Variants in CEP112 observed in about 807,000 individuals in gnomAD.
CEP112 encodes centrosomal protein of 112 kDa.
Under a neutral mutation model 153.0 loss-of-function variants are expected in CEP112, and 127 were observed. The observed-to-expected ratio is 0.83, with a 90% confidence interval of 0.72 to 0.96. CEP112 has a LOEUF of 0.96. Ranked by LOEUF, CEP112 falls within the 40% of genes least tolerant of loss-of-function variation. The pLI is 0.00. For synonymous variants in CEP112, 358 were observed against 374.4 expected (o/e 0.96, Z 0.51); for missense variants, 1,089 against 1,101.2 (o/e 0.99, Z 0.16).
intron 19 of CEP112, among the ~76,000 whole-genome samples, chr17:65,917,954 A>G (rs1005434585): frequency 2.6e-5 from 4 of 152,134 alleles, no homozygotes; most frequent in African/African-American, 9.7e-5. Context: ...AGGCAGGTGG[A>G]TTGCCTGAGC....
chr17:65,913,181 A>C (rs1450103268), intron 19 of CEP112, among the ~76,000 whole-genome samples: 1 of 152,212 alleles, frequency 6.6e-6, no homozygotes, highest in Non-Finnish European at 1.5e-5. Context: ...TAAGTTACTA[A>C]ATTTTTTAGA....
chr17:65,651,106 G>A (rs1196579690), intron 24 of CEP112, among the ~76,000 whole-genome samples: 3 of 152,008 alleles, frequency 2.0e-5, no homozygotes, highest in Non-Finnish European at 4.4e-5. Flanking sequence ...CTTTCTCCCT[G>A]AGTCCCCAAA....
chr17:65,651,236 A>C (rs898199958), intron 24 of CEP112, among the ~76,000 whole-genome samples: 1 of 152,000 alleles, frequency 6.6e-6, no homozygotes, highest in Non-Finnish European at 1.5e-5. Flanking sequence ...ATAGTCTCCA[A>C]CTCCATTCAG....
At chr17:66,095,547 T>C (rs917349680) in intron 8 of CEP112, among the ~76,000 whole-genome samples, 2 of 152,168 alleles carry the variant, frequency 1.3e-5, no homozygotes, top group Non-Finnish European at 2.9e-5. Flanking sequence ...GGTCAAAGGA[T>C]ACAAAATTTA....
chr17:65,884,313 A>C (rs918939391), intron 20 of CEP112, among the ~76,000 whole-genome samples: 1 of 152,236 alleles, frequency 6.6e-6, no homozygotes, highest in Non-Finnish European at 1.5e-5. Flanking sequence ...CGTTATTTGC[A>C]GTGATGAATA....
chr17:66,120,389 C>A (rs926494715), intron 6 of CEP112, among the ~76,000 whole-genome samples: 1 of 152,030 alleles, frequency 6.6e-6, no homozygotes, highest in Non-Finnish European at 1.5e-5. Flanking sequence ...TTAGTAGAGA[C>A]GAGGTTTTAC....
intron 21 of CEP112, among the ~76,000 whole-genome samples, chr17:65,828,350 G>A (rs933499737): frequency 1.3e-5 from 2 of 152,176 alleles, no homozygotes; most frequent in Non-Finnish European, 2.9e-5. Flanking sequence ...CAACTTCCAT[G>A]GCAATTCCCT....
At chr17:65,997,997 T>C (rs931652701) in intron 17 of CEP112, among the ~76,000 whole-genome samples, 9 of 152,134 alleles carry the variant, frequency 5.9e-5, no homozygotes, top group Admixed American at 3.3e-4. Flanking sequence ...TTCTGCAAAA[T>C]GACTATTGAA....
intron 23 of CEP112, among the ~76,000 whole-genome samples, chr17:65,728,408 T>G (rs775600688): frequency 6.6e-6 from 1 of 152,098 alleles, no homozygotes; most frequent in African/African-American, 2.4e-5. Context: ...AAGAGGTTGG[T>G]AGCTAGGAAG....
intron 21 of CEP112, among the ~76,000 whole-genome samples, chr17:65,794,966 G>A (rs968468487): frequency 2.6e-5 from 4 of 152,220 alleles, no homozygotes; most frequent in Non-Finnish European, 5.9e-5. Context: ...CAAGTACATG[G>A]AACAGTATCT....
chr17:65,952,819 T>C (rs2061880438), intron 18 of CEP112, among the ~76,000 whole-genome samples: 2 of 152,212 alleles, frequency 1.3e-5, no homozygotes, highest in Admixed American at 1.3e-4. Flanking sequence ...AATGAACGTG[T>C]AGTAGCATCT....
chr17:66,158,960 C>A (rs1456158740), intron 4 of CEP112, among the ~76,000 whole-genome samples: 1 of 151,670 alleles, frequency 6.6e-6, no homozygotes, highest in Non-Finnish European at 1.5e-5. Context: ...ACTAGCCAGA[C>A]TAATAAAGAA....
intron 18 of CEP112, among the ~76,000 whole-genome samples, chr17:65,929,734 A>G (rs1284896367): frequency 6.6e-6 from 1 of 152,220 alleles, no homozygotes; most frequent in Non-Finnish European, 1.5e-5. Flanking sequence ...ACATACAGGG[A>G]ATCAATAAAT....
At chr17:65,996,951 G>A (rs2145330358) in intron 17 of CEP112, among the ~76,000 whole-genome samples, 1 of 152,316 alleles carries the variant, frequency 6.6e-6, no homozygotes, top group African/African-American at 2.4e-5. Flanking sequence ...GCCCACGGCT[G>A]TAATCCCAGC....
At chr17:65,821,708 C>A (rs1342677482) in intron 21 of CEP112, among the ~76,000 whole-genome samples, 1 of 150,762 alleles carries the variant, frequency 6.6e-6, no homozygotes, top group Non-Finnish European at 1.5e-5. Context: ...TGTGCCACCA[C>A]ACCCGGCTAA....
In CEP112 at chr17:66,096,261, C is replaced by T. The variant is rs779884624; in HGVS notation, c.758G>A (p.Arg253His). Reference protein sequence around the residue: ...FHDDHFLSRIREKELDMKTKM... With the variant: ...FHDDHFLSRIHEKELDMKTKM... ...ATATCTCATTCCTACCTCTTTCTCA[C>T]GTATTCGAGAGAGAAAATGATCATC... Residue 253 changes from arginine to histidine, a missense_variant, in exon 8 of 27, where the codon CGT (arginine) becomes CAT (histidine). Transcript: ENST00000535342. 20 of 1,610,034 alleles carry T rather than the reference C, an allele frequency of 1.2e-5. No homozygotes were observed. The highest frequency in any genetic ancestry group is 1.2e-4 in the Admixed American group (7 of 59,802).
At chr17:66,124,110 A>G (rs985974828) in intron 6 of CEP112, among the ~76,000 whole-genome samples, 2 of 152,184 alleles carry the variant, frequency 1.3e-5, no homozygotes, top group African/African-American at 4.8e-5. Context: ...GACTAGGGCA[A>G]TAGTTTACAT....
intron 24 of CEP112, among the ~76,000 whole-genome samples, chr17:65,650,903 T>C (rs73351249): frequency 0.14 from 21,010 of 151,614 alleles, 1,823 homozygotes; most frequent in East Asian, 0.46. Context: ...CTCTCTTTTT[T>C]TTCTCTCTTT....
intron 21 of CEP112, among the ~76,000 whole-genome samples, chr17:65,809,760 G>A (rs1208709179): frequency 1.3e-5 from 2 of 152,028 alleles, no homozygotes; most frequent in African/African-American, 4.8e-5. Context: ...AAGAGACTAG[G>A]ACTAGAGATA....
Sources: allele counts gnomAD v4.1 joint callset (sites outside exome capture counted in the v4.1 genomes callset), GRCh38; gene constraint gnomAD v4.1.1; transcripts MANE v1.5; gene names NCBI Gene and HGNC (gene_info 2026-07-23, HGNC 2026-07-21).